RPRD1B: variants seen among roughly 807,000 people sequenced by gnomAD.
RPRD1B encodes the protein regulation of nuclear pre-mRNA domain containing 1B.
A neutral mutation model predicts 41.5 loss-of-function variants in RPRD1B; 11 were observed. That is an observed-to-expected ratio of 0.27 (90% CI 0.17 to 0.44). The LOEUF (loss-of-function observed/expected upper bound fraction) is 0.44. Ranked by LOEUF, RPRD1B falls within the 20% of genes least tolerant of loss-of-function variation. The probability of loss-of-function intolerance (pLI) is 1.00; values close to 1 mark genes in which losing one functional copy is unlikely to be tolerated. For synonymous variants in RPRD1B, 158 were observed against 155.6 expected, an observed-to-expected ratio of 1.02 and a Z score of -0.12; for missense variants, 248 against 389.9, an observed-to-expected ratio of 0.64 and a Z score of 3.06.
rs2122677912 is a variant in RPRD1B, at chr20:38,033,921, T to C, written c.-27T>C. ...CGCCGCACTGGGCGGCCCAGGCCGCTCCCTGCCGGGCCTCACTGCCGCCAC... is the reference window on the plus strand; with the variant it reads ...CGCCGCACTGGGCGGCCCAGGCCGCCCCCTGCCGGGCCTCACTGCCGCCAC... On this transcript the variant is annotated 5_prime_UTR_variant, in exon 1 of 7. Coordinates refer to ENST00000373433, the MANE Select transcript of RPRD1B (RefSeq NM_021215.4). 6.3e-7 allele frequency: 1 copy of C among 1,591,184 alleles called. No homozygotes were observed. The highest frequency in any genetic ancestry group is 8.6e-7 in the Non-Finnish European group (1 of 1,167,728).
intron 3 of RPRD1B, chr20:38,049,793 T>C: frequency 2.1e-6 from 1 of 471,216 alleles, no homozygotes; most frequent in Non-Finnish European, 4.4e-6. Flanking sequence ...GCATACATGT[T>C]TCCTGGAGGA....
In RPRD1B at chr20:38,057,841, G is replaced by A. The variant is rs376119036; in HGVS notation, c.528+197G>A. 2.8e-4 allele frequency among the ~76,000 whole-genome samples: 42 copies of A among 152,252 alleles called. No individual in the cohort carries two copies. In the South Asian group the frequency reaches 8.3e-3, roughly 30 times the overall value. ...GTATGTCTTTGCGTGCCATAACTCTGGGATGGGCTTATGTTTTATAAAGTA... is the reference window on the plus strand; with the variant it reads ...GTATGTCTTTGCGTGCCATAACTCTAGGATGGGCTTATGTTTTATAAAGTA... On this transcript the variant is annotated intron_variant, in intron 4 of 6. Coordinates refer to ENST00000373433, the MANE Select transcript of RPRD1B (RefSeq NM_021215.4).
At chr20:38,066,608 A>G (rs2074359319) in intron 6 of RPRD1B, among the ~76,000 whole-genome samples, 1 of 152,236 alleles carries the variant, frequency 6.6e-6, no homozygotes, top group Non-Finnish European at 1.5e-5. Context: ...TATGTTTGGT[A>G]GTATTTGGGA....
At chr20:38,044,926 G>A (rs573009112) in intron 2 of RPRD1B, among the ~76,000 whole-genome samples, 1 of 152,288 alleles carries the variant, frequency 6.6e-6, no homozygotes, top group Admixed American at 6.5e-5. Flanking sequence ...CATGAGATAA[G>A]ACAGAGTTGT....
intron 6 of RPRD1B, among the ~76,000 whole-genome samples, chr20:38,088,089 C>T (rs1315819866): frequency 6.6e-6 from 1 of 152,184 alleles, no homozygotes; most frequent in African/African-American, 2.4e-5. Context: ...CACTCTCTAC[C>T]CTTTTCTCTT....
chr20:38,060,791 C>G lies in RPRD1B; in HGVS notation c.655+1271C>G, dbSNP rs149322251. On this transcript the variant is annotated intron_variant, in intron 5 of 6. Coordinates refer to ENST00000373433, the MANE Select transcript of RPRD1B (RefSeq NM_021215.4). ...GACCTGCAGTCTCTTGATTCCTCCC[C>G]CACCTCTTCCTAGTCCTCGAGTCCT... Among the ~76,000 whole-genome samples, 613 of 152,276 alleles carry G rather than the reference C, an allele frequency of 4.0e-3. 1 individual carries two copies. Among genetic ancestry groups the G allele is most frequent in the Non-Finnish European group, 5.2e-3 (355 of 68,026 alleles).
At chr20:38,087,445 A>C (rs1471049499) in intron 6 of RPRD1B, among the ~76,000 whole-genome samples, 1 of 152,080 alleles carries the variant, frequency 6.6e-6, no homozygotes, top group Non-Finnish European at 1.5e-5. Context: ...GTGGTTTTCA[A>C]ATTGTTCTTG....
chr20:38,062,784 A>G (rs1176773794), intron 5 of RPRD1B, among the ~76,000 whole-genome samples: 1 of 148,080 alleles, frequency 6.8e-6, no homozygotes, highest in Non-Finnish European at 1.5e-5. Context: ...CCCGCTCCAC[A>G]TAACACCCCC....
At chr20:38,049,605 T>A in intron 3 of RPRD1B, 3 of 400,560 alleles carry the variant, frequency 7.5e-6, no homozygotes, top group Non-Finnish European at 1.5e-5. Flanking sequence ...CCTGACCTCG[T>A]GATCCACCCG....
At position 38,090,170 on chromosome 20, in the gene RPRD1B, AC is replaced by A; in HGVS notation, c.*297del. 9.3e-7 allele frequency: 1 copy of A among 1,076,394 alleles called. No homozygotes were observed. Among genetic ancestry groups the A allele is most frequent in the Non-Finnish European group, 1.1e-6 (1 of 888,396 alleles). 66.7% of individuals were successfully genotyped at this position (1,076,394 alleles called of 1,614,324 possible). A position where few individuals can be genotyped will look rare whatever the true frequency, so the allele number is the denominator to read the frequency against. On this transcript the variant is annotated 3_prime_UTR_variant, in exon 7 of 7. Coordinates refer to ENST00000373433, the MANE Select transcript of RPRD1B (RefSeq NM_021215.4). Reference sequence around the variant, plus strand: ...TTTCCATTCTTAACTGTCTCCTTATACCTAAGAAGTTATGAAAATCATGTGT... The same window carrying A: ...TTTCCATTCTTAACTGTCTCCTTATACTAAGAAGTTATGAAAATCATGTGT...
intron 6 of RPRD1B, among the ~76,000 whole-genome samples, chr20:38,076,661 ACCCCTGCC>A (rs2074462786): frequency 1.6e-5 from 1 of 63,714 alleles, no homozygotes; most frequent in Non-Finnish European, 3.3e-5. Context: ...CCTTCCCCCC[ACCCCTGCC>A]CCCAGTGGTC....
At chr20:38,037,511 C>T (rs1445630185) in intron 1 of RPRD1B, among the ~76,000 whole-genome samples, 1 of 152,168 alleles carries the variant, frequency 6.6e-6, no homozygotes, top group Non-Finnish European at 1.5e-5. Flanking sequence ...CTATTTCTGT[C>T]GTATAGGAAG....
chr20:38,037,165 C>G (rs1182096324), intron 1 of RPRD1B, among the ~76,000 whole-genome samples: 2 of 152,070 alleles, frequency 1.3e-5, no homozygotes, highest in Non-Finnish European at 2.9e-5. Flanking sequence ...AACTTTTTTT[C>G]TTGCTTAAAT....
chr20:38,035,040 A>G (rs2073984588), intron 1 of RPRD1B, among the ~76,000 whole-genome samples: 1 of 152,222 alleles, frequency 6.6e-6, no homozygotes. Context: ...TCGGAGCCCT[A>G]TGAAGTAGGA....
chr20:38,056,791 C>T (rs751318436), intron 3 of RPRD1B, among the ~76,000 whole-genome samples: 1 of 152,146 alleles, frequency 6.6e-6, no homozygotes, highest in Non-Finnish European at 1.5e-5. Context: ...TCTTTACTTT[C>T]GAAACTAGAA....
At chr20:38,045,523 T>C (rs1445122969) in intron 2 of RPRD1B, among the ~76,000 whole-genome samples, 1 of 152,234 alleles carries the variant, frequency 6.6e-6, no homozygotes, top group African/African-American at 2.4e-5. Flanking sequence ...CTAATTAAAC[T>C]AGAACCCCCC....
In RPRD1B at chr20:38,059,353, A is replaced by G; in HGVS notation, c.529-41A>G. ...CTCCAACTAATTTTCTTTAAACCCC[A>G]TGTCTTAATGGGTAGTGTTGTTTGT... On this transcript the variant is annotated intron_variant, in intron 4 of 6. Coordinates refer to ENST00000373433, the MANE Select transcript of RPRD1B (RefSeq NM_021215.4). 1.9e-6 allele frequency: 3 copies of G among 1,557,560 alleles called. No homozygotes were observed. In the Admixed American group the frequency reaches 5.9e-5, roughly 31 times the overall value.
At chr20:38,058,588 T>A (rs1322697274) in intron 4 of RPRD1B, among the ~76,000 whole-genome samples, 2 of 152,250 alleles carry the variant, frequency 1.3e-5, no homozygotes, top group African/African-American at 2.4e-5. Context: ...GGTTTACTTT[T>A]CTTGTTTTTT....
intron 6 of RPRD1B, among the ~76,000 whole-genome samples, chr20:38,068,828 A>G (rs142932207): frequency 7.9e-4 from 120 of 152,320 alleles, no homozygotes; most frequent in African/African-American, 2.7e-3. Flanking sequence ...GCCCCTTGAA[A>G]GATGCGTGAA....
Sources: allele counts gnomAD v4.1 joint callset (sites outside exome capture counted in the v4.1 genomes callset), GRCh38; gene constraint gnomAD v4.1.1; transcripts MANE v1.5; gene names NCBI Gene and HGNC (gene_info 2026-07-23, HGNC 2026-07-21).